Variants in TSPAN14 observed in about 807,000 individuals in gnomAD.
TSPAN14 encodes the protein tetraspanin 14, also known as tetraspanin-14.
TSPAN14 carries 16 observed loss-of-function variants against 36.6 expected under a neutral mutation model. The observed-to-expected ratio is 0.44, with a 90% CI of 0.30 to 0.66. TSPAN14 has a LOEUF of 0.66. Among genes scored for constraint, TSPAN14 ranks in the 30% least tolerant of loss-of-function variants. The probability of loss-of-function intolerance (pLI) is 0.12; values close to 1 mark genes in which losing one functional copy is unlikely to be tolerated. For synonymous variants in TSPAN14, 139 were observed against 143.8 expected (o/e 0.97, Z 0.24); for missense variants, 231 against 355.1 (o/e 0.65, Z 2.81).
At chr10:80,463,900 G>A (rs1042952319) in intron 1 of TSPAN14, among the ~76,000 whole-genome samples, 15 of 152,264 alleles carry the variant, frequency 9.9e-5, no homozygotes, top group Admixed American at 4.6e-4. Flanking sequence ...GTGCCAGCGT[G>A]TTGGTTCCCA....
chr10:80,475,084 C>A (rs964208024), intron 1 of TSPAN14, among the ~76,000 whole-genome samples: 1 of 152,146 alleles, frequency 6.6e-6, no homozygotes, highest in Non-Finnish European at 1.5e-5. Flanking sequence ...CCATCCTCCC[C>A]CTCTGAAGGT....
At chr10:80,483,590 G>C (rs942161245) in intron 1 of TSPAN14, among the ~76,000 whole-genome samples, 4 of 152,046 alleles carry the variant, frequency 2.6e-5, no homozygotes, top group African/African-American at 7.2e-5. Flanking sequence ...TGCCACAATA[G>C]TGGTGGCAAT....
chr10:80,457,213 TCTCA>T lies in TSPAN14; in HGVS notation c.-18+2846_-18+2849del, dbSNP rs367751634. Among the ~76,000 whole-genome samples, 5 of 151,788 alleles carry T rather than the reference TCTCA, an allele frequency of 3.3e-5. No individual in the cohort carries two copies. In the East Asian group the frequency reaches 9.8e-4, roughly 30 times the overall value. On this transcript the variant is annotated intron_variant, in intron 1 of 8. Transcript: ENST00000429989. ...TCATTTCTTTTTTTTTGATACTGAGTCTCACTCTATTGCCCAGGCTGGAGTGCAG... is the reference window on the plus strand; with the variant it reads ...TCATTTCTTTTTTTTTGATACTGAGTCTCTATTGCCCAGGCTGGAGTGCAG...
intron 1 of TSPAN14, among the ~76,000 whole-genome samples, chr10:80,474,356 A>G (rs1846732813): frequency 6.9e-6 from 1 of 145,002 alleles, no homozygotes; most frequent in African/African-American, 2.6e-5. Flanking sequence ...TAGGAAAAAG[A>G]GGGGCCAGAG....
chr10:80,454,733 T>C (rs1428267526), intron 1 of TSPAN14, among the ~76,000 whole-genome samples: 3 of 152,128 alleles, frequency 2.0e-5, no homozygotes, highest in Admixed American at 6.5e-5. Flanking sequence ...GACGGGAGCC[T>C]GGACGGCCGC....
chr10:80,476,461 G>A (rs1448191827), intron 1 of TSPAN14, among the ~76,000 whole-genome samples: 1 of 138,952 alleles, frequency 7.2e-6, no homozygotes, highest in Non-Finnish European at 1.5e-5. Context: ...TGTCACCCAG[G>A]CTGGAATGCA....
intron 5 of TSPAN14, among the ~76,000 whole-genome samples, chr10:80,510,412 A>G (rs114625047): frequency 2.6e-3 from 389 of 152,316 alleles, no homozygotes; most frequent in African/African-American, 9.0e-3. Flanking sequence ...AAAGTCACCA[A>G]ATCCCCGCCA....
intron 1 of TSPAN14, among the ~76,000 whole-genome samples, chr10:80,477,084 T>C (rs1846958513): frequency 6.6e-6 from 1 of 152,244 alleles, no homozygotes. Flanking sequence ...TCCTCGCATG[T>C]GGCCCCTGTA....
intron 1 of TSPAN14, among the ~76,000 whole-genome samples, chr10:80,458,562 G>A (rs935405288): frequency 6.6e-5 from 10 of 152,182 alleles, no homozygotes; most frequent in Non-Finnish European, 2.9e-5. Flanking sequence ...TTGAGAGGTG[G>A]TGGTGGTCTC....
At chr10:80,504,918 C>G in intron 3 of TSPAN14, 140 bp downstream of exon 3, 1 of 917,228 alleles carries the variant, frequency 1.1e-6, no homozygotes, top group Non-Finnish European at 1.7e-6. Flanking sequence ...TCAATCTTTA[C>G]AGACACAGCT....
At chr10:80,471,241 A>C (rs1846535769) in intron 1 of TSPAN14, among the ~76,000 whole-genome samples, 1 of 151,998 alleles carries the variant, frequency 6.6e-6, no homozygotes, top group South Asian at 2.1e-4. Context: ...TGTAGAAACA[A>C]GTCTTTAGGT....
intron 1 of TSPAN14, among the ~76,000 whole-genome samples, chr10:80,486,642 G>A (rs1367664756): frequency 1.3e-5 from 2 of 152,178 alleles, no homozygotes; most frequent in Non-Finnish European, 2.9e-5. Flanking sequence ...CTGAGGCCCA[G>A]CTCCCTGGAG....
intron 1 of TSPAN14, among the ~76,000 whole-genome samples, chr10:80,482,361 A>G (rs1008154338): frequency 3.9e-5 from 6 of 151,986 alleles, no homozygotes; most frequent in African/African-American, 1.5e-4. Context: ...ATCTCAGCTC[A>G]CTGCAACCTC....
At chr10:80,472,653 T>G (rs899155455) in intron 1 of TSPAN14, among the ~76,000 whole-genome samples, 2 of 152,250 alleles carry the variant, frequency 1.3e-5, no homozygotes, top group African/African-American at 4.8e-5. Flanking sequence ...CATTTATCAT[T>G]TAACTATACA....
intron 1 of TSPAN14, among the ~76,000 whole-genome samples, chr10:80,464,364 G>A (rs1269846885): frequency 6.6e-6 from 1 of 152,220 alleles, no homozygotes; most frequent in Non-Finnish European, 1.5e-5. Flanking sequence ...TTGAGCGGGA[G>A]CTTCCTTTCA....
chr10:80,498,816 C>T (rs923041733), intron 2 of TSPAN14, among the ~76,000 whole-genome samples: 3 of 152,216 alleles, frequency 2.0e-5, no homozygotes, highest in African/African-American at 7.2e-5. Context: ...GAAAGATAAT[C>T]CCTGTTTTGT....
chr10:80,521,520 C>T (rs1841264091), exon 9 of TSPAN14: 1 of 152,244 alleles, frequency 6.6e-6, no homozygotes, highest in Non-Finnish European at 1.5e-5. Flanking sequence ...ACCTGTCCCC[C>T]ATGATGGATC....
chr10:80,518,261 C>T (rs1382287527), exon 9 of TSPAN14: 1 of 475,818 alleles, frequency 2.1e-6, no homozygotes, highest in Non-Finnish European at 3.8e-6. Context: ...GAGAGGGCTC[C>T]TGTGGCTGCC....
At chr10:80,490,356 A>C (rs1014887520) in intron 2 of TSPAN14, among the ~76,000 whole-genome samples, 1 of 152,162 alleles carries the variant, frequency 6.6e-6, no homozygotes, top group Non-Finnish European at 1.5e-5. Flanking sequence ...GGGTGTGTTG[A>C]CTGAGAAGAG....
Sources: gnomAD v4.1 joint callset for allele counts (sites outside exome capture counted in the v4.1 genomes callset) on GRCh38, gnomAD v4.1.1 for gene constraint, MANE v1.5 for transcripts, NCBI Gene and HGNC (gene_info 2026-07-23, HGNC 2026-07-21) for gene names.